MYO18A: variants seen among roughly 807,000 people sequenced by gnomAD.
MYO18A encodes the protein unconventional myosin-XVIIIa.
A neutral mutation model predicts 235.8 loss-of-function variants in MYO18A; 78 were observed. The ratio of observed to expected loss-of-function variants is 0.33; its 90% confidence interval spans 0.28 to 0.40. MYO18A has a LOEUF of 0.40. Ranked by LOEUF, MYO18A falls within the 10% of genes least tolerant of loss-of-function variation. The pLI, the probability that MYO18A is intolerant of heterozygous loss-of-function variation, is 1.00. For missense variants in MYO18A, 2,215 were observed against 2,699.3 expected (o/e 0.82, Z 3.98); for synonymous variants, 977 against 1,077.8 (o/e 0.91, Z 1.83).
In MYO18A at chr17:29,166,743, G is replaced by C; in HGVS notation, c.198C>G (p.Ile66Met). 1 of 1,613,916 alleles carries C rather than the reference G, an allele frequency of 6.2e-7. No homozygotes were observed. Among genetic ancestry groups the C allele is most frequent in the Non-Finnish European group, 8.5e-7 (1 of 1,179,894 alleles). The part of the protein sequence containing the change: ...SKTRLEISNP[I>M]PIKVASGSDL... ...CAGAGCCGCTGGCCACCTTGATGGG[G>C]ATGGGGTTGGAGATTTCCAGGCGCG... The change falls in exon 2 of 42, where the codon ATC (isoleucine) becomes ATG (methionine). Residue 66 changes from isoleucine to methionine, a missense_variant. Physicochemically the swap from Ile to Met is conservative, Grantham distance 10. Coordinates refer to ENST00000527372, the MANE Select transcript of MYO18A (RefSeq NM_078471.4).
At position 29,093,403 on chromosome 17, in the gene MYO18A, C is replaced by G. The variant is rs772585465; in HGVS notation, c.4846G>C (p.Glu1616Gln). 1.9e-6 allele frequency: 3 copies of G among 1,611,938 alleles called. No homozygotes were observed. Among genetic ancestry groups the G allele is most frequent in the South Asian group, 1.1e-5 (1 of 91,068 alleles). Reference sequence around the variant, plus strand: ...TTCTGCTTGTCCTCATACTCTTCCTCTAGCTGCACCTCCATCTGTTTTAAC... The same window carrying G: ...TTCTGCTTGTCCTCATACTCTTCCTGTAGCTGCACCTCCATCTGTTTTAAC... ...KKLKQMEVQL[E>Q]EEYEDKQKVL... is the part of the protein sequence containing the mutation. Residue 1616 changes from glutamate (E) to glutamine (Q), a missense_variant, in exon 32 of 42, where the codon GAG (glutamate) becomes CAG (glutamine). Coordinates refer to ENST00000527372, the MANE Select transcript of MYO18A (RefSeq NM_078471.4).
At chr17:29,089,860 G>A in intron 37 of MYO18A, 101 bp downstream of exon 37, 1 of 1,486,664 alleles carries the variant, frequency 6.7e-7, no homozygotes, top group Non-Finnish European at 9.1e-7. Flanking sequence ...AGGCCTCTGA[G>A]GACTGTCCGG....
At chr17:29,178,001 T>C (rs954001814) in intron 1 of MYO18A, among the ~76,000 whole-genome samples, 1 of 152,182 alleles carries the variant, frequency 6.6e-6, no homozygotes, top group Admixed American at 6.5e-5. Context: ...GGATTCTCCC[T>C]TTCACATGAG....
At chr17:29,127,880 T>C (rs1249739921) in intron 2 of MYO18A, 1 of 989,860 alleles carries the variant, frequency 1.0e-6, no homozygotes, top group East Asian at 1.1e-4. Flanking sequence ...GACTGGTGAC[T>C]TGGACTGCTG....
At chr17:29,100,556 G>A (rs1052601507) in intron 21 of MYO18A, among the ~76,000 whole-genome samples, 2 of 152,340 alleles carry the variant, frequency 1.3e-5, no homozygotes, top group African/African-American at 2.4e-5. Context: ...ACTCTGTGCC[G>A]CCCTGAGATA....
intron 19 of MYO18A, among the ~76,000 whole-genome samples, chr17:29,107,837 A>ACT (rs1017418657): frequency 6.7e-6 from 1 of 149,712 alleles, no homozygotes; most frequent in African/African-American, 2.5e-5. Context: ...AATCGCTTGA[A>ACT]CTCAGGAGGC....
At chr17:29,133,687 CA>C in intron 2 of MYO18A, 2 of 750,966 alleles carry the variant, frequency 2.7e-6, no homozygotes, top group Non-Finnish European at 4.0e-6. Context: ...ACACATGCCC[CA>C]ATCCATCTCT....
At position 29,138,106 on chromosome 17, in the gene MYO18A, G is replaced by A. The variant is rs554484825; in HGVS notation, c.1000-15853C>T. 2.0e-5 allele frequency among the ~76,000 whole-genome samples: 3 copies of A among 152,218 alleles called. No individual in the cohort carries two copies. In the South Asian group the frequency reaches 6.2e-4, roughly 32 times the overall value. ...TACCCGCCCTTAACCTGCACTCTCT[G>A]GGCCCCTCACAGGAGGGAATGGGGG... is the stretch of plus-strand genomic sequence containing the variant. On this transcript the variant is annotated intron_variant, in intron 2 of 41. Coordinates refer to ENST00000527372, the MANE Select transcript of MYO18A (RefSeq NM_078471.4).
chr17:29,152,714 A>G (rs1336376718), intron 2 of MYO18A, among the ~76,000 whole-genome samples: 1 of 152,056 alleles, frequency 6.6e-6, no homozygotes, highest in African/African-American at 2.4e-5. Context: ...GAGGATGATG[A>G]TAATGTTCAC....
chr17:29,164,109 C>T (rs1471742373), intron 2 of MYO18A, among the ~76,000 whole-genome samples: 1 of 152,178 alleles, frequency 6.6e-6, no homozygotes, highest in African/African-American at 2.4e-5. Flanking sequence ...AGGCTGGTCT[C>T]GAACTCCCAA....
chr17:29,133,942 G>T, intron 2 of MYO18A: 1 of 1,043,652 alleles, frequency 9.6e-7, no homozygotes, highest in Non-Finnish European at 1.3e-6. Flanking sequence ...GATAAACACT[G>T]TGGGCAACAA....
chr17:29,103,461 T>G (rs961898810), intron 21 of MYO18A, 138 bp downstream of exon 21: 9 of 819,180 alleles, frequency 1.1e-5, no homozygotes, highest in East Asian at 2.7e-5. Context: ...CTGGGCGGGG[T>G]GGAGCTGGGG....
intron 30 of MYO18A, 30 bp downstream of exon 30, chr17:29,094,620 C>T: frequency 1.9e-6 from 3 of 1,612,402 alleles, no homozygotes; most frequent in Middle Eastern, 1.7e-4. Context: ...CGCTGCACCT[C>T]ACCTCTCCCT....
At position 29,111,392 on chromosome 17, in the gene MYO18A, C is replaced by T; in HGVS notation, c.2900+32G>A. 1 of 1,605,820 alleles carries T rather than the reference C, an allele frequency of 6.2e-7. No homozygotes were observed. Among genetic ancestry groups the T allele is most frequent in the African/African-American group, 1.3e-5 (1 of 74,950 alleles). On this transcript the variant is annotated intron_variant, in intron 17 of 41. Transcript: ENST00000527372. The surrounding 1 kb of genome is among the most constrained non-coding windows in gnomAD (Gnocchi z 5.1). ...CCCAAAATCAAAACAGTCCTGGGTA[C>T]AGAACAGGGGCGGAGGGAGTGGTGG...
chr17:29,101,165 T>G (rs2066643907), intron 21 of MYO18A, among the ~76,000 whole-genome samples: 1 of 151,470 alleles, frequency 6.6e-6, no homozygotes, highest in Admixed American at 6.6e-5. Flanking sequence ...TCCCAGCTAA[T>G]TTTTGTATTT....
chr17:29,103,962 C>T (rs2066719104), intron 20 of MYO18A, among the ~76,000 whole-genome samples: 1 of 152,228 alleles, frequency 6.6e-6, no homozygotes, highest in Non-Finnish European at 1.5e-5. Flanking sequence ...ACTTATGATA[C>T]AAGTGAGAAT....
intron 19 of MYO18A, chr17:29,107,509 G>C (rs2066818675): frequency 3.4e-6 from 1 of 290,366 alleles, no homozygotes. Context: ...CTGACCAGCT[G>C]GGAGGAAGGC....
intron 2 of MYO18A, among the ~76,000 whole-genome samples, chr17:29,130,121 A>C (rs190642268): frequency 1.1e-3 from 163 of 152,118 alleles, no homozygotes; most frequent in African/African-American, 3.8e-3. Context: ...ACATGGTGAA[A>C]CTGTTTCTAC....
chr17:29,080,630 C>T (rs1396373878), intron 41 of MYO18A: 2 of 985,464 alleles, frequency 2.0e-6, no homozygotes, highest in Non-Finnish European at 1.2e-6. Flanking sequence ...GCCCTGTCTT[C>T]GCCAGAGCCC....
Sources: allele counts gnomAD v4.1 joint callset (sites outside exome capture counted in the v4.1 genomes callset), GRCh38; gene constraint gnomAD v4.1.1; non-coding constraint Gnocchi (gnomAD v3.1); transcripts MANE v1.5; gene names NCBI Gene and HGNC (gene_info 2026-07-23, HGNC 2026-07-21).